CCDC47: variants seen among roughly 807,000 people sequenced by gnomAD.
CCDC47 encodes the protein coiled-coil domain containing 47, also known as PAT complex subunit CCDC47.
Under a neutral mutation model 60.5 loss-of-function variants are expected in CCDC47, and 41 were observed. The observed-to-expected ratio is 0.68, with a 90% confidence interval of 0.53 to 0.88. The LOEUF is 0.88. Among genes scored for constraint, CCDC47 ranks in the 40% least tolerant of loss-of-function variants. CCDC47 has a pLI of 0.00. For synonymous variants in CCDC47, 195 were observed against 190.7 expected (o/e 1.02, Z -0.18); for missense variants, 513 against 580.9 (o/e 0.88, Z 1.20).
chr17:63,761,937 G>GT lies in CCDC47; in HGVS notation c.548-587dup, dbSNP rs1050702318. On this transcript the variant is annotated intron_variant, in intron 4 of 12. Transcript: ENST00000225726. ...CAGCTTAGAGTATAAGTCTCTCAGAGTACATACAAAATGGGAAAAAAATCA... is the reference window on the plus strand; with the variant it reads ...CAGCTTAGAGTATAAGTCTCTCAGAGTTACATACAAAATGGGAAAAAAATCA... The GT allele has an allele frequency of 8.2e-5, 56 of 686,076 alleles. No individual in the cohort carries two copies. The African/African-American group carries it at 1.0e-3, about 12-fold the overall frequency. The allele number at this position is 686,076 out of a possible 1,614,324, so 42.5% of individuals were successfully genotyped here.
In CCDC47 at chr17:63,752,062, A is replaced by C. The variant is rs1427586440; in HGVS notation, c.1249T>G (p.Phe417Val). The stretch of plus-strand genomic sequence containing the variant: ...CTTTGCACATGTGTCAGTTTCAAGA[A>C]GTTCTCTTCTACTCGGGCACGGTTC... ...DKNRARVEEN[F>V]LKLTHVQRQE... The change falls in exon 12 of 13, where the codon TTC (phenylalanine) becomes GTC (valine). Residue 417 changes from phenylalanine (F) to valine (V), a missense_variant. Coordinates refer to ENST00000225726, the MANE Select transcript of CCDC47 (RefSeq NM_020198.3). 4.3e-6 allele frequency: 7 copies of C among 1,613,628 alleles called. No homozygotes were observed. The highest frequency in any genetic ancestry group is 5.9e-6 in the Non-Finnish European group (7 of 1,179,954).
At chr17:63,759,492 A>AT (rs2039233012) in intron 6 of CCDC47, among the ~76,000 whole-genome samples, 1 of 20,440 alleles carries the variant, frequency 4.9e-5, no homozygotes, top group Non-Finnish European at 7.0e-5. Context: ...CTGTCTCCCA[A>AT]AAAAAAAAAA....
chr17:63,762,539 A>T (rs1340437586), intron 4 of CCDC47, among the ~76,000 whole-genome samples: 2 of 152,214 alleles, frequency 1.3e-5, no homozygotes. Flanking sequence ...ATAATATATA[A>T]ACACTACTGT....
At position 63,749,133 on chromosome 17, in the gene CCDC47, G is replaced by A. The variant is rs921252791; in HGVS notation, c.1372-2172C>T. Among the ~76,000 whole-genome samples, 69 of 152,130 alleles carry A rather than the reference G, an allele frequency of 4.5e-4. 1 individual carries two copies. Among genetic ancestry groups the A allele is most frequent in the African/African-American group, 1.6e-3 (65 of 41,498 alleles). ...ATAATAATTCAAAAAATAGCTGGGC[G>A]TAGTGGCTCACGCCTGTAATCCCAG... On this transcript the variant is annotated intron_variant, in intron 12 of 12. Transcript: ENST00000225726.
rs1296426896 is a variant in CCDC47, at chr17:63,746,594, T to TGTA, written c.*286_*287insTAC. 1 of 272,660 alleles carries TGTA rather than the reference T, an allele frequency of 3.7e-6. No homozygotes were observed. Among genetic ancestry groups the TGTA allele is most frequent in the Non-Finnish European group, 6.9e-6 (1 of 144,726 alleles). 16.9% of individuals were successfully genotyped at this position (272,660 alleles called of 1,614,324 possible). On this transcript the variant is annotated 3_prime_UTR_variant, in exon 13 of 13. Transcript: ENST00000225726. ...AGCACTGATGATTTGTATTATAATT[T>TGTA]TTAAAATATTTAAAACCTACACAGA...
At chr17:63,762,269 AG>A in intron 4 of CCDC47, 1 of 984,672 alleles carries the variant, frequency 1.0e-6, no homozygotes, top group Non-Finnish European at 1.2e-6. Flanking sequence ...AAGGGGAAGT[AG>A]AAGGAGCCAA....
At chr17:63,765,570 C>T in intron 2 of CCDC47, 7 of 336,170 alleles carry the variant, frequency 2.1e-5, no homozygotes, top group Non-Finnish European at 3.0e-5. Context: ...AAACTCCTGA[C>T]CTTGGGTGAT....
At chr17:63,756,211 G>T in intron 8 of CCDC47, 29 bp downstream of exon 8, 4 of 1,499,936 alleles carry the variant, frequency 2.7e-6, no homozygotes, top group Non-Finnish European at 2.8e-6. Context: ...GCCAAGGCCT[G>T]GCAAATGTAT....
At chr17:63,753,393 T>G (rs938360882) in intron 9 of CCDC47, 2 of 202,036 alleles carry the variant, frequency 9.9e-6, no homozygotes, top group Non-Finnish European at 1.8e-5. Flanking sequence ...TGCCACTGAG[T>G]TGAGCAAGAC....
chr17:63,764,838 T>C lies in CCDC47; in HGVS notation c.274A>G (p.Thr92Ala), dbSNP rs1401223058. 6.2e-7 allele frequency: 1 copy of C among 1,611,210 alleles called. No individual in the cohort carries two copies. Among genetic ancestry groups the C allele is most frequent in the Non-Finnish European group, 8.5e-7 (1 of 1,179,270 alleles). The change falls in exon 3 of 13, where the codon ACT becomes GCT. Residue 92 changes from threonine to alanine, a missense_variant. By Grantham distance (58) the Thr-to-Ala change is moderately conservative (BLOSUM62 0). Transcript: ENST00000225726. ...FEDADTQEGD[T>A]ESEPYDDEEF... Reference sequence around the variant, plus strand: ...TCATCATCATATGGTTCACTCTCAGTATCTCCCTCCTACAAAAATGAGGCA... The same window carrying C: ...TCATCATCATATGGTTCACTCTCAGCATCTCCCTCCTACAAAAATGAGGCA...
intron 11 of CCDC47, 56 bp downstream of exon 11, chr17:63,752,264 C>A: frequency 1.4e-6 from 2 of 1,460,920 alleles, no homozygotes; most frequent in South Asian, 1.2e-5. Context: ...TGCCCTCCCC[C>A]TTGAGAAGAA....
rs1466375449 is a variant in CCDC47, at chr17:63,756,533, G to A, written c.773C>T (p.Thr258Ile). 1 of 1,613,686 alleles carries A rather than the reference G, an allele frequency of 6.2e-7. No homozygotes were observed. Among genetic ancestry groups the A allele is most frequent in the African/African-American group, 1.3e-5 (1 of 74,876 alleles). ...KVTMNDEDMD[T>I]YVFAVGTRKA... ...CCGTGTGCCAACAGCAAATACGTAG[G>A]TATCCATGTCTTCATCATTCATGGT... The change falls in exon 7 of 13, where the codon ACC (threonine) becomes ATC (isoleucine). Residue 258 changes from threonine (T) to isoleucine (I), a missense_variant. Coordinates refer to ENST00000225726, the MANE Select transcript of CCDC47 (RefSeq NM_020198.3).
intron 1 of CCDC47, among the ~76,000 whole-genome samples, chr17:63,771,880 G>C (rs1332625537): frequency 6.6e-6 from 1 of 152,064 alleles, no homozygotes; most frequent in South Asian, 2.1e-4. Context: ...TCAGGAGTTC[G>C]AGACCAGCTT....
chr17:63,755,252 C>A (rs2082113397), intron 8 of CCDC47: 1 of 979,010 alleles, frequency 1.0e-6, no homozygotes, highest in South Asian at 4.7e-5. Flanking sequence ...CAAGTGTGAA[C>A]CACAGCGCGC....
chr17:63,758,242 T>C (rs539165657), intron 6 of CCDC47, among the ~76,000 whole-genome samples: 1 of 152,328 alleles, frequency 6.6e-6, no homozygotes, highest in South Asian at 2.1e-4. Flanking sequence ...GGAACCCGAT[T>C]AATAGTTAGT....
chr17:63,745,525 T>C lies in CCDC47; in HGVS notation c.*1356A>G, dbSNP rs2144460509. The C allele has an allele frequency of 6.6e-6, 1 of 152,352 alleles. No homozygotes were observed. Among genetic ancestry groups the C allele is most frequent in the South Asian group, 2.1e-4 (1 of 4,832 alleles). The allele number at this position is 152,352 out of a possible 1,614,324, so 9.4% of individuals were successfully genotyped here. On this transcript the variant is annotated 3_prime_UTR_variant, in exon 13 of 13. Coordinates refer to ENST00000225726, the MANE Select transcript of CCDC47 (RefSeq NM_020198.3). The stretch of plus-strand genomic sequence containing the variant: ...AACTGTTAAAAATATTACATTTGCA[T>C]CTCTCAGTTTACATATTTCTGTATT...
At position 63,771,448 on chromosome 17, in the gene CCDC47, T is replaced by C. The variant is rs145641021; in HGVS notation, c.-20+1964A>G. ...TCAAGGGAGAACTAAACATTCTTTT[T>C]ATACTAGTTGATCCTTCAGGTTAGT... On this transcript the variant is annotated intron_variant, in intron 1 of 12. Transcript: ENST00000225726. 1.2e-3 allele frequency among the ~76,000 whole-genome samples: 187 copies of C among 152,270 alleles called. 1 individual carries two copies. The highest frequency in any genetic ancestry group is 6.8e-3 in the Middle Eastern group (2 of 294).
chr17:63,759,676 T>G (rs1166839365), intron 6 of CCDC47, among the ~76,000 whole-genome samples: 2 of 149,052 alleles, frequency 1.3e-5, no homozygotes, highest in African/African-American at 2.4e-5. Context: ...TTCACATATA[T>G]ACATATCTAT....
intron 10 of CCDC47, 151 bp from the exon 11 acceptor site, chr17:63,752,580 A>G: frequency 6.5e-6 from 5 of 766,926 alleles, no homozygotes; most frequent in Non-Finnish European, 9.9e-6. Context: ...ATTAAAATAT[A>G]TAATAGGTAA....
Sources: allele counts gnomAD v4.1 joint callset (sites outside exome capture counted in the v4.1 genomes callset), GRCh38; gene constraint gnomAD v4.1.1; transcripts MANE v1.5; gene names NCBI Gene and HGNC (gene_info 2026-07-23, HGNC 2026-07-21).